The following PHF14 variants were observed in gnomAD, a reference collection of about 807,000 sequenced individuals.
PHF14 encodes the protein PHD finger protein 14.
Under a neutral mutation model 117.9 loss-of-function variants are expected in PHF14, and 55 were observed. The ratio of observed to expected loss-of-function variants is 0.47; its 90% CI spans 0.38 to 0.58. PHF14 has a LOEUF of 0.58. Ranked by LOEUF, PHF14 falls within the 20% of genes least tolerant of loss-of-function variation. The pLI is 0.00. For synonymous variants in PHF14, 409 were observed against 368.6 expected, an observed-to-expected ratio of 1.11 and a Z score of -1.26; for missense variants, 978 against 1,122.2, an observed-to-expected ratio of 0.87 and a Z score of 1.84.
chr7:11,094,790 C>A (rs1024467462), intron 16 of PHF14, among the ~76,000 whole-genome samples: 6 of 152,194 alleles, frequency 3.9e-5, no homozygotes, highest in African/African-American at 1.4e-4. Flanking sequence ...CTCTCATGCT[C>A]TGCCACAGGT....
At chr7:11,128,206 C>T (rs1787984555) in intron 17 of PHF14, among the ~76,000 whole-genome samples, 2 of 152,148 alleles carry the variant, frequency 1.3e-5, no homozygotes, top group South Asian at 4.2e-4. Flanking sequence ...CTTTTGTGAT[C>T]TCCTTATCAG....
intron 17 of PHF14, among the ~76,000 whole-genome samples, chr7:11,129,798 T>C (rs1788041091): frequency 6.6e-6 from 1 of 152,032 alleles, no homozygotes; most frequent in Non-Finnish European, 1.5e-5. Flanking sequence ...ATAAAGCATG[T>C]ATGCATTTAA....
chr7:11,028,809 G>T lies in PHF14; in HGVS notation c.1446G>T (p.Ala482=). 1 of 1,613,562 alleles carries T rather than the reference G, an allele frequency of 6.2e-7. No homozygotes were observed. Among genetic ancestry groups the T allele is most frequent in the African/African-American group, 1.3e-5 (1 of 75,000 alleles). The change falls in exon 7 of 18, where the codon GCG becomes GCT. Residue 482 remains alanine, a synonymous_variant. Transcript: ENST00000634607. ...AQKEGLLSEA[A]AEEDIADPFF... ...AGGAAGGTCTGCTTTCAGAGGCAGC[G>T]GCGGAAGAGGTAGGTTTATTTAAAC...
At chr7:11,033,893 C>G (rs1366701243) in intron 7 of PHF14, among the ~76,000 whole-genome samples, 4 of 152,068 alleles carry the variant, frequency 2.6e-5, no homozygotes, top group Non-Finnish European at 5.9e-5. Flanking sequence ...ATGTAGTCTC[C>G]TAATTAATTT....
At chr7:11,163,283 CA>C (rs1261047280) in intron 17 of PHF14, among the ~76,000 whole-genome samples, 2 of 151,998 alleles carry the variant, frequency 1.3e-5, no homozygotes, top group African/African-American at 4.8e-5. Flanking sequence ...TTGTATCATA[CA>C]AAAAAATTCT....
chr7:11,064,473 A>C (rs1785354207), intron 16 of PHF14, among the ~76,000 whole-genome samples: 1 of 151,938 alleles, frequency 6.6e-6, no homozygotes, highest in South Asian at 2.1e-4. Flanking sequence ...TTCTCTTTTA[A>C]AATTAAACTT....
chr7:11,039,346 C>T (rs1784427133), intron 11 of PHF14, among the ~76,000 whole-genome samples: 1 of 151,550 alleles, frequency 6.6e-6, no homozygotes, highest in African/African-American at 2.4e-5. Context: ...GTTTTTTAAA[C>T]TTTAATGTTA....
In PHF14 at chr7:11,167,917, T is replaced by A. The variant is rs1789249214; in HGVS notation, c.2773-1499T>A. Among the ~76,000 whole-genome samples, 3 of 151,376 alleles carry A rather than the reference T, an allele frequency of 2.0e-5. No homozygotes were observed. The South Asian group carries it at 6.3e-4, about 32-fold the overall frequency. On this transcript the variant is annotated intron_variant, in intron 17 of 17. Coordinates refer to ENST00000634607, the MANE Select transcript of PHF14 (RefSeq NM_001007157.2). ...GGTGGTGGGTGCCTGTCCCAGCTAC[T>A]CGGGAGGCTGAGGCAGGAGAATGGC... is the stretch of plus-strand genomic sequence containing the variant.
chr7:11,133,526 A>G (rs960961125), intron 17 of PHF14, among the ~76,000 whole-genome samples: 2 of 151,950 alleles, frequency 1.3e-5, no homozygotes, highest in Non-Finnish European at 2.9e-5. Flanking sequence ...AAAGGGTGGT[A>G]AATATTATGT....
chr7:11,140,592 T>C (rs559446425), intron 17 of PHF14, among the ~76,000 whole-genome samples: 3 of 152,172 alleles, frequency 2.0e-5, no homozygotes, highest in Non-Finnish European at 4.4e-5. Flanking sequence ...TATGGATTTA[T>C]AAATTTCTTG....
At position 11,169,444 on chromosome 7, in the gene PHF14, A is replaced by AG. The variant is rs764323958; in HGVS notation, c.2801_2802insG (p.Asn934LysfsTer21). 1 of 1,508,244 alleles carries AG rather than the reference A, an allele frequency of 6.6e-7. No homozygotes were observed. 93.4% of individuals were successfully genotyped at this position (1,508,244 alleles called of 1,614,324 possible). ...GATGAAAATGAAGCTGAAAGAAAAA[A>AG]TATATCTCAGGAGCTCAACATGGAA... On this transcript the variant is annotated frameshift_variant, in exon 18 of 18. Coordinates refer to ENST00000634607, the MANE Select transcript of PHF14 (RefSeq NM_001007157.2). LOFTEE classifies it high-confidence loss of function.
At chr7:11,135,424 C>G (rs1436561642) in intron 17 of PHF14, among the ~76,000 whole-genome samples, 1 of 152,046 alleles carries the variant, frequency 6.6e-6, no homozygotes, top group African/African-American at 2.4e-5. Context: ...TAGATTAATA[C>G]TTCTGAAGCA....
At chr7:11,128,026 G>A (rs938550244) in intron 17 of PHF14, among the ~76,000 whole-genome samples, 4 of 151,920 alleles carry the variant, frequency 2.6e-5, no homozygotes, top group Non-Finnish European at 5.9e-5. Context: ...ATTTTAATGT[G>A]CACTTTTTAA....
chr7:10,999,527 G>A (rs1267451871), intron 4 of PHF14, among the ~76,000 whole-genome samples: 3 of 152,108 alleles, frequency 2.0e-5, no homozygotes, highest in African/African-American at 7.2e-5. Flanking sequence ...TCTCTATTTT[G>A]TTGTTTTTGA....
At chr7:11,018,044 G>A (rs1452584084) in intron 5 of PHF14, among the ~76,000 whole-genome samples, 1 of 151,926 alleles carries the variant, frequency 6.6e-6, no homozygotes, top group African/African-American at 2.4e-5. Flanking sequence ...TATGTTCCTG[G>A]CACCTTTGTT....
At chr7:11,070,124 T>G (rs536294793) in intron 16 of PHF14, among the ~76,000 whole-genome samples, 1 of 152,326 alleles carries the variant, frequency 6.6e-6, no homozygotes, top group African/African-American at 2.4e-5. Context: ...TCTCTTTTTG[T>G]TTGAGACAAG....
At chr7:11,017,501 A>T (rs1465682762) in intron 5 of PHF14, among the ~76,000 whole-genome samples, 1 of 152,034 alleles carries the variant, frequency 6.6e-6, no homozygotes, top group Non-Finnish European at 1.5e-5. Flanking sequence ...AAGGATTTTG[A>T]GTCCCTTTTC....
At chr7:10,985,763 C>T (rs939655513) in intron 3 of PHF14, among the ~76,000 whole-genome samples, 1 of 137,534 alleles carries the variant, frequency 7.3e-6, no homozygotes, top group Non-Finnish European at 1.5e-5. Context: ...AGCAATTCTT[C>T]TGCCTCAGTC....
intron 7 of PHF14, among the ~76,000 whole-genome samples, chr7:11,034,339 A>G (rs891172947): frequency 6.6e-6 from 1 of 152,148 alleles, no homozygotes. Flanking sequence ...TAGCAATTAC[A>G]TTGTAAATTA....
Sources: allele counts gnomAD v4.1 joint callset (sites outside exome capture counted in the v4.1 genomes callset), GRCh38; gene constraint gnomAD v4.1.1; transcripts MANE v1.5; gene names NCBI Gene and HGNC (gene_info 2026-07-23, HGNC 2026-07-21).